TMEM259: variants seen among roughly 807,000 people sequenced by gnomAD.
TMEM259 encodes the protein membralin.
A neutral mutation model predicts 46.7 loss-of-function variants in TMEM259; 26 were observed. The observed-to-expected ratio is 0.56, with a 90% CI of 0.41 to 0.77. The LOEUF (loss-of-function observed/expected upper bound fraction) is 0.77, where lower values mean the gene tolerates loss of function less well. TMEM259 is among the 30% of genes least tolerant of loss of function. The pLI, the probability that TMEM259 is intolerant of heterozygous loss-of-function variation, is 0.00. For missense variants in TMEM259, 930 were observed against 900.5 expected, an observed-to-expected ratio of 1.03 and a Z score of -0.42; for synonymous variants, 494 against 395.1, an observed-to-expected ratio of 1.25 and a Z score of -2.97.
chr19:1,013,305 C>T lies in TMEM259; in HGVS notation c.543G>A (p.Pro181=), dbSNP rs534949992. 1.4e-5 allele frequency: 23 copies of T among 1,613,632 alleles called. No individual in the cohort carries two copies. The highest frequency in any genetic ancestry group is 2.7e-5 in the African/African-American group (2 of 74,924). ...ELDIEPKVFK[P]PSSTEALNDS... ...CATTCAGGGCCTCTGTGCTACTCGG[C>T]GGCTTGAACACCTTGGGCTCGATGT... The change falls in exon 3 of 11, where the codon CCG becomes CCA. Residue 181 remains proline, a synonymous_variant. Transcript: ENST00000356663.
chr19:1,010,343 G>A lies in TMEM259; in HGVS notation c.*7C>T. On this transcript the variant is annotated 3_prime_UTR_variant, in exon 11 of 11. Coordinates refer to ENST00000356663, the MANE Select transcript of TMEM259 (RefSeq NM_001033026.2). ...AGCAGGGGTCAGAGGCGGCTCAGCT[G>A]TGCGGCTCAGGACCCCACCTCCGAG... 1 of 1,476,680 alleles carries A rather than the reference G, an allele frequency of 6.8e-7. No individual in the cohort carries two copies. The highest frequency in any genetic ancestry group is 8.9e-7 in the Non-Finnish European group (1 of 1,123,080). 91.5% of individuals were successfully genotyped at this position (1,476,680 alleles called of 1,614,324 possible).
rs1221613215 is a variant in TMEM259 at position 1,010,230 on chromosome 19, A to C, written c.*120T>G. On this transcript the variant is annotated 3_prime_UTR_variant, in exon 11 of 11. Transcript: ENST00000356663. ...CCGGGCAAACCCCACGAAACCCTGA[A>C]AGCCCCCGACACAGGCTGGGCAGTC... 2 of 1,008,316 alleles carry C rather than the reference A, an allele frequency of 2.0e-6. No individual in the cohort carries two copies. The highest frequency in any genetic ancestry group is 3.4e-5 in the African/African-American group (2 of 58,170). 62.5% of individuals were successfully genotyped at this position (1,008,316 alleles called of 1,614,324 possible).
In TMEM259 at chr19:1,012,504, G is replaced by A; in HGVS notation, c.677C>T (p.Thr226Ile). The A allele has an allele frequency of 6.2e-7, 1 of 1,603,380 alleles. No individual in the cohort carries two copies. Among genetic ancestry groups the A allele is most frequent in the African/African-American group, 1.3e-5 (1 of 74,908 alleles). ...GACGGGGATGCTCAGGCGCTGGCGGGTGGCCTGCGACAGGCGAAGGAAGCC... is the reference window on the plus strand; with the variant it reads ...GACGGGGATGCTCAGGCGCTGGCGGATGGCCTGCGACAGGCGAAGGAAGCC... Reference protein sequence around the residue: ...EYGFLRLSQATRQRLSIPVMV... With the variant: ...EYGFLRLSQAIRQRLSIPVMV... Residue 226 changes from threonine (T) to isoleucine (I), a missense_variant, in exon 4 of 11, where the codon ACC becomes ATC. Coordinates refer to ENST00000356663, the MANE Select transcript of TMEM259 (RefSeq NM_001033026.2).
intron 3 of TMEM259, 73 bp downstream of exon 3, chr19:1,013,168 A>AC: frequency 7.4e-7 from 1 of 1,344,222 alleles, no homozygotes; most frequent in Non-Finnish European, 1.1e-6. Flanking sequence ...GTTCGGAGGG[A>AC]CCCCGCCTGC....
Position 1,011,185 on chromosome 19 carries a change from G to A in TMEM259, c.1228C>T (p.Leu410Phe), listed in dbSNP as rs1367887411. 3.8e-6 allele frequency: 6 copies of A among 1,598,588 alleles called. No homozygotes were observed. The African/African-American group carries it at 6.7e-5, about 18-fold the overall frequency. The change falls in exon 10 of 11, where the codon CTC (leucine) becomes TTC (phenylalanine). Residue 410 changes from leucine to phenylalanine, a missense_variant. Physicochemically the swap from Leu to Phe is conservative, Grantham distance 22. Transcript: ENST00000356663. ...TAGGCATAGAAGGCGAAGTGGTAGA[G>A]ATAGAAGAACCTGCGGGGCGGGGTG... is the stretch of plus-strand genomic sequence containing the variant. Reference protein sequence around the residue: ...SKRHWLRFFYLYHFAFYAYHY... With the variant: ...SKRHWLRFFYFYHFAFYAYHY...
chr19:1,014,583 AAAGGAAGGAAACCCCAG>A (rs1282891249), intron 1 of TMEM259, 110 bp from the exon 2 acceptor site: 1 of 1,283,192 alleles, frequency 7.8e-7, no homozygotes, highest in African/African-American at 1.5e-5. Context: ...CAGGACGGGG[AAAGGAAGGAAACCCCAG>A]AAGCCGAATT....
chr19:1,010,345 G>A lies in TMEM259; in HGVS notation c.*5C>T, dbSNP rs752941611. On this transcript the variant is annotated 3_prime_UTR_variant, in exon 11 of 11. Coordinates refer to ENST00000356663, the MANE Select transcript of TMEM259 (RefSeq NM_001033026.2). ...CAGGGGTCAGAGGCGGCTCAGCTGTGCGGCTCAGGACCCCACCTCCGAGGG... is the reference window on the plus strand; with the variant it reads ...CAGGGGTCAGAGGCGGCTCAGCTGTACGGCTCAGGACCCCACCTCCGAGGG... The A allele has an allele frequency of 1.4e-5, 21 of 1,477,548 alleles. No homozygotes were observed. The highest frequency in any genetic ancestry group is 1.8e-5 in the Non-Finnish European group (20 of 1,123,520). 91.5% of individuals were successfully genotyped at this position (1,477,548 alleles called of 1,614,324 possible).
intron 8 of TMEM259, 21 bp downstream of exon 8, chr19:1,011,559 G>T (rs1416642868): frequency 1.0e-5 from 15 of 1,490,298 alleles, no homozygotes; most frequent in Non-Finnish European, 1.4e-5. Flanking sequence ...CGGGGCGGGG[G>T]AGGCCGGGTG....
In TMEM259 at chr19:1,010,704, G is replaced by GCCCAGGGCC. The variant is rs1050284409; in HGVS notation, c.1508_1509insGGCCCTGGG (p.Ala501_Gly503dup). 2.0e-6 allele frequency: 3 copies of GCCCAGGGCC among 1,529,544 alleles called. No individual in the cohort carries two copies. In the African/African-American group the frequency reaches 4.1e-5, roughly 21 times the overall value. 94.7% of individuals were successfully genotyped at this position (1,529,544 alleles called of 1,614,324 possible). On this transcript the variant is annotated inframe_insertion, in exon 11 of 11. Transcript: ENST00000356663. The stretch of plus-strand genomic sequence containing the variant: ...TCCCGCTGGCCCCAGGCGAGACGGG[G>GCCCAGGGCC]CCCAGGGCGGGGGGCTGGCCGGCAG...
Position 1,010,924 on chromosome 19 carries a change from G to T in TMEM259, c.1318-29C>A, listed in dbSNP as rs373234767. Reference sequence around the variant, plus strand: ...CGGGAGGGAGAGTGGGAGTCAGGACGGGCCCGCCCCTGCCCCACCCAGCCG... The same window carrying T: ...CGGGAGGGAGAGTGGGAGTCAGGACTGGCCCGCCCCTGCCCCACCCAGCCG... On this transcript the variant is annotated intron_variant, in intron 10 of 10. Transcript: ENST00000356663. 71 of 1,573,822 alleles carry T rather than the reference G, an allele frequency of 4.5e-5. 4 individuals are homozygous for T. Among genetic ancestry groups the T allele is most frequent in the Non-Finnish European group, 4.9e-5 (57 of 1,168,972 alleles).
chr19:1,011,423 C>T lies in TMEM259; in HGVS notation c.1161G>A (p.Ala387=), dbSNP rs551309304. 17 of 1,558,210 alleles carry T rather than the reference C, an allele frequency of 1.1e-5. No individual in the cohort carries two copies. The highest frequency in any genetic ancestry group is 4.7e-5 in the South Asian group (4 of 85,020). Residue 387 remains alanine, a synonymous_variant, in exon 9 of 11, where the codon GCG becomes GCA. Coordinates refer to ENST00000356663, the MANE Select transcript of TMEM259 (RefSeq NM_001033026.2). ...GGCAGCAGATGGCGTCATACTGGTC[C>T]GCGAGCCACACGATGAGGATGATGT... is the stretch of plus-strand genomic sequence containing the variant. ...AFYIILIVWL[A]DQYDAICCHT...
In TMEM259 at chr19:1,009,996, C is replaced by T. The variant is rs2038845632; in HGVS notation, c.*354G>A. The T allele has an allele frequency of 9.0e-6, 3 of 331,798 alleles. No homozygotes were observed. Among genetic ancestry groups the T allele is most frequent in the Non-Finnish European group, 1.6e-5 (3 of 182,604 alleles). 20.6% of individuals were successfully genotyped at this position (331,798 alleles called of 1,614,324 possible). ...TAGGGCGCGAGGCCCCACCCCAAGC[C>T]GGCCTCTCCTCCACACCTCCGCCTT... On this transcript the variant is annotated 3_prime_UTR_variant, in exon 11 of 11. Coordinates refer to ENST00000356663, the MANE Select transcript of TMEM259 (RefSeq NM_001033026.2).
Position 1,010,890 on chromosome 19 carries a change from G to A in TMEM259, c.1323C>T (p.Ser441=). Residue 441 remains serine, a synonymous_variant, in exon 11 of 11, where the codon TCC becomes TCT. Transcript: ENST00000356663. ...CGTAGTGGTGGAAGAAGTAGATCAT[G>A]GAATGCTGCGGGAGGGAGAGTGGGA... ...LVTSWLFIQH[S]MIYFFHHYEL... 2 of 1,583,408 alleles carry A rather than the reference G, an allele frequency of 1.3e-6. No homozygotes were observed. Among genetic ancestry groups the A allele is most frequent in the Non-Finnish European group, 8.5e-7 (1 of 1,169,786 alleles).
chr19:1,015,040 C>G (rs527751351), intron 1 of TMEM259, among the ~76,000 whole-genome samples: 1 of 152,368 alleles, frequency 6.6e-6, no homozygotes, highest in South Asian at 2.1e-4. Context: ...TGCTTCCTGC[C>G]TCACCTTCCG....
In TMEM259 at chr19:1,020,780, G is replaced by A. The variant is rs944580813; in HGVS notation, c.217C>T (p.Leu73=). 1.3e-5 allele frequency: 17 copies of A among 1,343,198 alleles called. No homozygotes were observed. The Admixed American group carries it at 4.0e-4, about 32-fold the overall frequency. 83.2% of individuals were successfully genotyped at this position (1,343,198 alleles called of 1,614,324 possible). A position where few individuals can be genotyped will look rare whatever the true frequency, so the allele number is the denominator to read the frequency against. The part of the protein sequence containing the change: ...AFRRLFEFFV[L]LKALFVLFVL... ...GTCGGGGCCGCGGTCACCTTGAGCA[G>A]CACGAAGAACTCGAAGAGACGGCGG... The change falls in exon 1 of 11, where the codon CTG becomes TTG. Residue 73 remains leucine, a synonymous_variant. Transcript: ENST00000356663. The surrounding 1 kb of genome is among the most constrained non-coding windows in gnomAD (Gnocchi z 4.0).
chr19:1,012,279 GCTTC>G, intron 4 of TMEM259, 91 bp from the exon 5 acceptor site: 2 of 1,522,104 alleles, frequency 1.3e-6, no homozygotes, highest in Non-Finnish European at 1.8e-6. Flanking sequence ...GGCCTGGCCT[GCTTC>G]CTGGCCCTGC....
At chr19:1,014,680 C>T (rs910849451) in intron 1 of TMEM259, among the ~76,000 whole-genome samples, 3 of 152,194 alleles carry the variant, frequency 2.0e-5, no homozygotes, top group Non-Finnish European at 4.4e-5. Context: ...GTCCAAGTGA[C>T]TGAGGATCCG....
At chr19:1,012,375 C>G in intron 4 of TMEM259, 88 bp downstream of exon 4, 1 of 1,510,976 alleles carries the variant, frequency 6.6e-7, no homozygotes, top group South Asian at 1.3e-5. Flanking sequence ...TCCTGCACAG[C>G]CCCCCGTCCC....
In TMEM259 at chr19:1,010,307, C is replaced by A; in HGVS notation, c.*43G>T. 7.0e-7 allele frequency: 1 copy of A among 1,422,132 alleles called. No individual in the cohort carries two copies. The highest frequency in any genetic ancestry group is 1.5e-5 in the South Asian group (1 of 66,998). 88.1% of individuals were successfully genotyped at this position (1,422,132 alleles called of 1,614,324 possible). ...CCCACCCCCACGGGCTCGGGAAGGT[C>A]AGGCCCAGCCAGCAGGGGTCAGAGG... On this transcript the variant is annotated 3_prime_UTR_variant, in exon 11 of 11. Transcript: ENST00000356663.
Sources: allele counts gnomAD v4.1 joint callset (sites outside exome capture counted in the v4.1 genomes callset), GRCh38; gene constraint gnomAD v4.1.1; non-coding constraint Gnocchi (gnomAD v3.1); transcripts MANE v1.5; gene names NCBI Gene and HGNC (gene_info 2026-07-23, HGNC 2026-07-21).